The following SCN3A variants were observed in gnomAD, a reference collection of about 807,000 sequenced individuals.
SCN3A encodes sodium channel protein type 3 subunit alpha.
In SCN3A, 60 loss-of-function variants were observed where a neutral mutation model predicts 187.6. The observed-to-expected ratio is 0.32, with a 90% CI of 0.26 to 0.40. The LOEUF (loss-of-function observed/expected upper bound fraction) is 0.40, where lower values mean the gene tolerates loss of function less well. SCN3A is among the 10% of genes least tolerant of loss of function. SCN3A has a pLI of 1.00. For missense variants in SCN3A, 1,601 were observed against 2,428.2 expected (o/e 0.66, Z 7.16); for synonymous variants, 788 against 829.2 (o/e 0.95, Z 0.85).
chr2:165,145,617 TG>T (rs1403545425), intron 12 of SCN3A, among the ~76,000 whole-genome samples: 1 of 152,102 alleles, frequency 6.6e-6, no homozygotes, highest in Non-Finnish European at 1.5e-5. Context: ...ACTGAGAACT[TG>T]CATATTACCT....
chr2:165,172,111 T>A (rs1209488816), intron 3 of SCN3A, among the ~76,000 whole-genome samples: 3 of 152,182 alleles, frequency 2.0e-5, no homozygotes. Flanking sequence ...ACAATTTCTC[T>A]GTTCATTGCT....
intron 21 of SCN3A, among the ~76,000 whole-genome samples, chr2:165,110,828 G>A (rs374119133): frequency 2.6e-5 from 4 of 152,088 alleles, no homozygotes; most frequent in Non-Finnish European, 5.9e-5. Flanking sequence ...GGCACCATTC[G>A]TTTGTCATTC....
At chr2:165,179,243 T>C (rs1268415719) in intron 2 of SCN3A, among the ~76,000 whole-genome samples, 1 of 152,222 alleles carries the variant, frequency 6.6e-6, no homozygotes, top group African/African-American at 2.4e-5. Flanking sequence ...TGGGTTAGTA[T>C]TGAGTCTGCT....
chr2:165,153,404 T>A (rs1688813670), intron 11 of SCN3A, among the ~76,000 whole-genome samples: 1 of 152,042 alleles, frequency 6.6e-6, no homozygotes, highest in Admixed American at 6.6e-5. Context: ...TCCAAAAGAA[T>A]GATTTAAACA....
At chr2:165,174,617 C>T (rs1007538542) in intron 3 of SCN3A, among the ~76,000 whole-genome samples, 2 of 152,164 alleles carry the variant, frequency 1.3e-5, no homozygotes, top group African/African-American at 2.4e-5. Context: ...TTAATCATAG[C>T]AGAGTAAATC....
rs72870771 is a variant in SCN3A, at chr2:165,161,933, G to A, written c.1031+375C>T. On this transcript the variant is annotated intron_variant, in intron 9 of 27. Transcript: ENST00000283254. Reference sequence around the variant, plus strand: ...TATAGTCTGGGTCTTTTCCAGTCACGACAAAACTCATCCCATTGATACATA... The same window carrying A: ...TATAGTCTGGGTCTTTTCCAGTCACAACAAAACTCATCCCATTGATACATA... 5.4e-3 allele frequency among the ~76,000 whole-genome samples: 818 copies of A among 152,236 alleles called. 5 individuals are homozygous for A. Among genetic ancestry groups the A allele is most frequent in the Admixed American group, 0.01 (155 of 15,288 alleles).
chr2:165,130,652 T>C (rs565018046), intron 16 of SCN3A, among the ~76,000 whole-genome samples: 17 of 151,950 alleles, frequency 1.1e-4, no homozygotes, highest in Non-Finnish European at 2.1e-4. Context: ...TAAAAAGAAA[T>C]ATTAAAAGTA....
chr2:165,130,013 T>A lies in SCN3A; in HGVS notation c.2849A>T (p.Asp950Val). Residue 950 changes from aspartate (D) to valine (V), a missense_variant, in exon 17 of 28, where the codon GAC becomes GTC. Coordinates refer to ENST00000283254, the MANE Select transcript of SCN3A (RefSeq NM_006922.4). Reference sequence around the variant, plus strand: ...GGTTTGGCCAGCGACCTCCATACAGTCCCACATGGTCTCTATCCACTCTCC... The same window carrying A: ...GGTTTGGCCAGCGACCTCCATACAGACCCACATGGTCTCTATCCACTCTCC... Reference protein sequence around the residue: ...LCGEWIETMWDCMEVAGQTMC... With the variant: ...LCGEWIETMWVCMEVAGQTMC... The A allele has an allele frequency of 1.9e-6, 3 of 1,614,078 alleles. No homozygotes were observed. Among genetic ancestry groups the A allele is most frequent in the Non-Finnish European group, 2.5e-6 (3 of 1,180,016 alleles).
intron 10 of SCN3A, 36 bp downstream of exon 10, chr2:165,155,726 A>C (rs1457134083): frequency 1.2e-6 from 2 of 1,611,234 alleles, no homozygotes. Flanking sequence ...ACATGTCTAT[A>C]AAAATAAATG....
At chr2:165,131,551 G>A (rs1476126329) in intron 15 of SCN3A, 134 bp from the exon 16 acceptor site, 2 of 458,704 alleles carry the variant, frequency 4.4e-6, no homozygotes, top group East Asian at 3.8e-5. Flanking sequence ...ATCAATTCAA[G>A]TCTTAGTTTT....
chr2:165,113,970 C>T lies in SCN3A; in HGVS notation c.3515G>A (p.Gly1172Glu), dbSNP rs1686239373. The T allele has an allele frequency of 6.4e-7, 1 of 1,560,500 alleles. No homozygotes were observed. The highest frequency in any genetic ancestry group is 1.2e-5 in the South Asian group (1 of 85,258). The change falls in exon 20 of 28, where the codon GGA (glycine) becomes GAA (glutamate). Residue 1172 changes from glycine to glutamate, a missense_variant and splice_region_variant. Around this residue, in one of 11 missense-constraint regions of SCN3A, gnomAD observed 267 missense variants for 313.2 expected, o/e 0.85. Coordinates refer to ENST00000283254, the MANE Select transcript of SCN3A (RefSeq NM_006922.4). ...DLKPEACFTE[G>E]CIKKFPFCQV... The stretch of plus-strand genomic sequence containing the variant: ...ACAGAATGGAAACTTTTTAATACAT[C>T]CTAAAAATCAAATATAGTTAATTAA...
intron 3 of SCN3A, among the ~76,000 whole-genome samples, chr2:165,174,345 A>G (rs991225661): frequency 1.1e-4 from 17 of 152,194 alleles, no homozygotes; most frequent in Admixed American, 9.8e-4. Flanking sequence ...CTTGCTGAAT[A>G]TGGAGCCCAA....
rs1379010056 is a variant in SCN3A, at chr2:165,176,356, G to A, written c.39C>T (p.Ser13=). The A allele has an allele frequency of 6.2e-7, 1 of 1,613,982 alleles. No homozygotes were observed. Among genetic ancestry groups the A allele is most frequent in the African/African-American group, 1.3e-5 (1 of 74,926 alleles). ...GAGATTCTCTAGTAAAAAGGCGGAA[G>A]CTTTCAGGTCCTGGGGGTACCAACA... is the stretch of plus-strand genomic sequence containing the variant. ...QALLVPPGPE[S]FRLFTRESLA... The change falls in exon 3 of 28, where the codon AGC becomes AGT. Residue 13 remains serine, a synonymous_variant. Transcript: ENST00000283254.
At chr2:165,193,645 C>T (rs571156745) in intron 1 of SCN3A, among the ~76,000 whole-genome samples, 2 of 152,090 alleles carry the variant, frequency 1.3e-5, no homozygotes, top group Non-Finnish European at 2.9e-5. Flanking sequence ...AAAATGACAG[C>T]CCACTGTTTT....
intron 2 of SCN3A, among the ~76,000 whole-genome samples, chr2:165,182,642 C>T (rs1346081074): frequency 1.3e-5 from 2 of 149,396 alleles, no homozygotes; most frequent in South Asian, 4.2e-4. Context: ...AGGTTTCCAG[C>T]TTAAGCCACA....
rs989074049 is a variant in SCN3A at position 165,164,681 on chromosome 2, C to A, written c.474-161G>T. Among the ~76,000 whole-genome samples the A allele has an allele frequency of 3.3e-5, 5 of 152,138 alleles. No homozygotes were observed. In the East Asian group the frequency reaches 5.8e-4, roughly 18 times the overall value. On this transcript the variant is annotated intron_variant, in intron 5 of 27. Coordinates refer to ENST00000283254, the MANE Select transcript of SCN3A (RefSeq NM_006922.4). ...TAATCTATTCATTTAGTTAGTTTTA[C>A]AAGCCTGAGCAAAGAGTTAAACTGA... is the stretch of plus-strand genomic sequence containing the variant.
At chr2:165,148,447 T>G (rs1256566887) in intron 11 of SCN3A, among the ~76,000 whole-genome samples, 3 of 152,040 alleles carry the variant, frequency 2.0e-5, no homozygotes, top group Non-Finnish European at 4.4e-5. Flanking sequence ...TGCTTTATGT[T>G]TCATCTTTCT....
At chr2:165,102,452 G>T (rs1288732104) in intron 21 of SCN3A, among the ~76,000 whole-genome samples, 1 of 152,046 alleles carries the variant, frequency 6.6e-6, no homozygotes. Context: ...GGAGTTCCAG[G>T]TTACAGTGGC....
chr2:165,188,713 T>C (rs1691393589), intron 1 of SCN3A, among the ~76,000 whole-genome samples: 1 of 150,826 alleles, frequency 6.6e-6, no homozygotes, highest in Non-Finnish European at 1.5e-5. Context: ...GGAGAAGTGC[T>C]TGAACCTGGG....
Sources: allele counts gnomAD v4.1 joint callset (sites outside exome capture counted in the v4.1 genomes callset), GRCh38; gene constraint gnomAD v4.1.1; regional missense constraint gnomAD v4.1.1; transcripts MANE v1.5; gene names NCBI Gene and HGNC (gene_info 2026-07-23, HGNC 2026-07-21).